The following TM9SF3 variants were observed in gnomAD, a reference collection of about 807,000 sequenced individuals.
TM9SF3 encodes the protein transmembrane 9 superfamily member 3.
TM9SF3 carries 14 observed loss-of-function variants against 78.6 expected under a neutral mutation model. That is an observed-to-expected ratio of 0.18 (90% CI 0.12 to 0.28). TM9SF3 has a LOEUF of 0.28. Ranked by LOEUF, TM9SF3 falls within the 10% of genes least tolerant of loss-of-function variation. TM9SF3 has a pLI of 1.00. For synonymous variants in TM9SF3, 231 were observed against 241.7 expected (o/e 0.96, Z 0.41); for missense variants, 496 against 721.9 (o/e 0.69, Z 3.59).
intron 10 of TM9SF3, 55 bp from the exon 11 acceptor site, chr10:96,530,663 A>AACACAC: frequency 7.1e-7 from 1 of 1,416,882 alleles, no homozygotes; most frequent in Middle Eastern, 1.8e-4. Context: ...ATGTTATATA[A>AACACAC]ACACTGATAA....
At chr10:96,557,148 T>C (rs538229350) in intron 5 of TM9SF3, among the ~76,000 whole-genome samples, 1 of 152,300 alleles carries the variant, frequency 6.6e-6, no homozygotes, top group Admixed American at 6.5e-5. Flanking sequence ...TATATGCCAA[T>C]TGCTGCAAAA....
intron 2 of TM9SF3, 99 bp downstream of exon 2, chr10:96,576,535 C>T (rs1848498620): frequency 1.7e-6 from 2 of 1,158,390 alleles, no homozygotes; most frequent in Non-Finnish European, 2.4e-6. Flanking sequence ...CAGCTCCATA[C>T]AACAAAGAAT....
chr10:96,534,855 A>G (rs1847937454), intron 9 of TM9SF3, among the ~76,000 whole-genome samples: 1 of 152,206 alleles, frequency 6.6e-6, no homozygotes, highest in African/African-American at 2.4e-5. Flanking sequence ...TTTTCATGCA[A>G]ATCTCAGAAT....
intron 5 of TM9SF3, among the ~76,000 whole-genome samples, chr10:96,556,225 T>A (rs1018617779): frequency 9.2e-5 from 9 of 97,788 alleles, no homozygotes; most frequent in Non-Finnish European, 1.4e-4. Flanking sequence ...ATCCTGAAGC[T>A]GCACCCTCAA....
intron 1 of TM9SF3, among the ~76,000 whole-genome samples, chr10:96,579,210 T>A (rs756895136): frequency 6.6e-6 from 1 of 152,226 alleles, no homozygotes; most frequent in Admixed American, 6.5e-5. Flanking sequence ...ATGACTGCTA[T>A]GTACCCTGAC....
intron 9 of TM9SF3, among the ~76,000 whole-genome samples, chr10:96,542,929 C>A (rs889223129): frequency 6.6e-6 from 1 of 152,074 alleles, no homozygotes; most frequent in Non-Finnish European, 1.5e-5. Context: ...TTTTGGGAAA[C>A]TATTTGTTAA....
chr10:96,570,203 T>A (rs1196526947), intron 2 of TM9SF3, among the ~76,000 whole-genome samples: 1 of 152,194 alleles, frequency 6.6e-6, no homozygotes, highest in Admixed American at 6.5e-5. Flanking sequence ...TAAAACAGTG[T>A]CCGGCACATA....
intron 4 of TM9SF3, chr10:96,560,787 T>G: frequency 1.8e-6 from 1 of 560,438 alleles, no homozygotes; most frequent in South Asian, 1.4e-5. Flanking sequence ...TGGAAAAGAC[T>G]CAAAACTATC....
rs568649516 is a variant in TM9SF3, at chr10:96,535,148, A to G, written c.1186-1958T>C. Among the ~76,000 whole-genome samples, 20 of 152,356 alleles carry G rather than the reference A, an allele frequency of 1.3e-4. No homozygotes were observed. The East Asian group carries it at 3.5e-3, about 26-fold the overall frequency. On this transcript the variant is annotated intron_variant, in intron 9 of 14. Coordinates refer to ENST00000371142, the MANE Select transcript of TM9SF3 (RefSeq NM_020123.4). ...TCTACAGTCTCAAAAAGACATTATC[A>G]ATTGCTTAGCATTTGTCAATATTTT... is the stretch of plus-strand genomic sequence containing the variant.
intron 7 of TM9SF3, among the ~76,000 whole-genome samples, chr10:96,550,011 A>G (rs1275614202): frequency 2.0e-5 from 3 of 152,124 alleles, no homozygotes; most frequent in African/African-American, 7.2e-5. Context: ...GTAGATGTGA[A>G]ATGTTTTCTT....
intron 1 of TM9SF3, among the ~76,000 whole-genome samples, chr10:96,584,057 A>G (rs1028660262): frequency 6.6e-6 from 1 of 150,890 alleles, no homozygotes; most frequent in Non-Finnish European, 1.5e-5. Context: ...CAAAACAAAC[A>G]AAAAAAAACA....
chr10:96,545,529 T>C (rs1033276306), intron 8 of TM9SF3, among the ~76,000 whole-genome samples: 2 of 152,216 alleles, frequency 1.3e-5, no homozygotes, highest in African/African-American at 2.4e-5. Context: ...TTCTATTTAA[T>C]TCCAACACCT....
intron 4 of TM9SF3, among the ~76,000 whole-genome samples, chr10:96,561,682 C>CTTTATGGTTA (rs1264060046): frequency 5.9e-5 from 9 of 152,134 alleles, no homozygotes; most frequent in African/African-American, 2.2e-4. Context: ...AAAAATGTAA[C>CTTTATGGTTA]CATAAAAATA....
chr10:96,526,847 A>G (rs916602511), intron 14 of TM9SF3, among the ~76,000 whole-genome samples: 20 of 152,064 alleles, frequency 1.3e-4, no homozygotes, highest in African/African-American at 4.8e-4. Context: ...CATTGAACCT[A>G]AGCTTTAAAA....
chr10:96,576,611 A>G (rs949128754), intron 2 of TM9SF3, 23 bp downstream of exon 2: 1 of 1,546,512 alleles, frequency 6.5e-7, no homozygotes, highest in Non-Finnish European at 8.7e-7. Flanking sequence ...ATTGCATTGT[A>G]AGGACTATTA....
intron 2 of TM9SF3, among the ~76,000 whole-genome samples, chr10:96,572,664 C>T (rs1434518701): frequency 6.6e-6 from 1 of 151,548 alleles, no homozygotes; most frequent in Non-Finnish European, 1.5e-5. Context: ...GTAGCTGGGA[C>T]CACAAGCGCC....
intron 11 of TM9SF3, among the ~76,000 whole-genome samples, chr10:96,529,259 C>A (rs562161703): frequency 2.0e-5 from 3 of 152,286 alleles, no homozygotes; most frequent in East Asian, 3.9e-4. Context: ...TGGTAAGTGA[C>A]AACCAAGAGT....
chr10:96,536,968 G>C (rs756907858), intron 9 of TM9SF3, among the ~76,000 whole-genome samples: 1 of 152,086 alleles, frequency 6.6e-6, no homozygotes, highest in Admixed American at 6.6e-5. Flanking sequence ...CTAACCTTAC[G>C]ATTTTCTTAA....
chr10:96,563,272 C>T (rs1038422417), intron 3 of TM9SF3, among the ~76,000 whole-genome samples: 4 of 152,094 alleles, frequency 2.6e-5, no homozygotes, highest in Non-Finnish European at 5.9e-5. Context: ...AGATGAATCT[C>T]GTTATGTTGC....
Sources: allele counts gnomAD v4.1 joint callset (sites outside exome capture counted in the v4.1 genomes callset), GRCh38; gene constraint gnomAD v4.1.1; transcripts MANE v1.5; gene names NCBI Gene and HGNC (gene_info 2026-07-23, HGNC 2026-07-21).